Variants in TOX observed in about 807,000 individuals in gnomAD.
TOX encodes thymocyte selection associated high mobility group box.
In TOX, 11 loss-of-function variants were observed where a neutral mutation model predicts 53.7. The observed-to-expected ratio is 0.20, with a 90% CI of 0.13 to 0.34. The LOEUF (loss-of-function observed/expected upper bound fraction) is 0.34, where lower values mean the gene tolerates loss of function less well. Ranked by LOEUF, TOX falls within the 10% of genes least tolerant of loss-of-function variation. The pLI is 1.00. For synonymous variants in TOX, 225 were observed against 245.3 expected (o/e 0.92, Z 0.77); for missense variants, 570 against 664.6 (o/e 0.86, Z 1.56).
At chr8:58,920,570 G>A (rs1173967471) in intron 3 of TOX, among the ~76,000 whole-genome samples, 1 of 68,164 alleles carries the variant, frequency 1.5e-5, no homozygotes, top group Non-Finnish European at 2.9e-5. Flanking sequence ...GGTCGGGGGA[G>A]GGGGGAGGGA....
chr8:58,873,209 T>A (rs770689985), intron 3 of TOX, among the ~76,000 whole-genome samples: 1 of 152,106 alleles, frequency 6.6e-6, no homozygotes, highest in Non-Finnish European at 1.5e-5. Context: ...AATGGTTTCT[T>A]TATAAATTAA....
intron 3 of TOX, among the ~76,000 whole-genome samples, chr8:58,883,327 G>A (rs1214573963): frequency 6.6e-6 from 1 of 152,162 alleles, no homozygotes; most frequent in African/African-American, 2.4e-5. Context: ...AAAGGACTTT[G>A]ATTGAACAAC....
In TOX at chr8:59,114,885, G is replaced by A. The variant is rs193037585; in HGVS notation, c.102+4001C>T. On this transcript the variant is annotated intron_variant, in intron 1 of 8. Coordinates refer to ENST00000361421, the MANE Select transcript of TOX (RefSeq NM_014729.3). ...ATAAGCTCAAAGGAGATTTTGCAGA[G>A]ACTGTAATGAATCTCGTTATTCTTA... is the stretch of plus-strand genomic sequence containing the variant. Among the ~76,000 whole-genome samples the A allele has an allele frequency of 4.3e-4, 65 of 152,218 alleles. 1 individual carries two copies. Among genetic ancestry groups the A allele is most frequent in the Non-Finnish European group, 7.6e-4 (52 of 68,006 alleles).
intron 3 of TOX, among the ~76,000 whole-genome samples, chr8:58,936,020 C>T (rs1456358365): frequency 6.6e-6 from 1 of 151,158 alleles, no homozygotes; most frequent in Non-Finnish European, 1.5e-5. Context: ...TTTCCATAAC[C>T]CCAGCCTCTT....
chr8:59,023,402 T>C (rs964695535), intron 1 of TOX, among the ~76,000 whole-genome samples: 1 of 152,188 alleles, frequency 6.6e-6, no homozygotes, highest in Non-Finnish European at 1.5e-5. Context: ...GATTTTACAA[T>C]ACATATTTTA....
chr8:59,063,200 A>C (rs991222249), intron 1 of TOX, among the ~76,000 whole-genome samples: 1 of 152,156 alleles, frequency 6.6e-6, no homozygotes, highest in African/African-American at 2.4e-5. Flanking sequence ...TCAATCAAAC[A>C]TTGCAACTAC....
chr8:59,073,158 T>C (rs1306117048), intron 1 of TOX, among the ~76,000 whole-genome samples: 1 of 152,148 alleles, frequency 6.6e-6, no homozygotes, highest in Non-Finnish European at 1.5e-5. Flanking sequence ...CTGAGTCGAA[T>C]TCCTTAACAA....
chr8:58,887,587 A>G (rs937605755), intron 3 of TOX, among the ~76,000 whole-genome samples: 1 of 151,934 alleles, frequency 6.6e-6, no homozygotes, highest in African/African-American at 2.4e-5. Flanking sequence ...TTCTCTATAT[A>G]ATTGTGTTTA....
chr8:58,999,179 C>T (rs1813642683), intron 1 of TOX, among the ~76,000 whole-genome samples: 6 of 152,014 alleles, frequency 3.9e-5, no homozygotes, highest in Admixed American at 3.9e-4. Context: ...AATATTTGTG[C>T]TTTTGAGATT....
In TOX at chr8:58,851,183, TCTCACACA is replaced by T; in HGVS notation, c.693+333_693+340del. On this transcript the variant is annotated intron_variant, in intron 4 of 8. Transcript: ENST00000361421. This position sits in a 1 kb window ranked among gnomAD's most constrained non-coding sequence, Gnocchi z 4.4. ...GTCTCTCTCTCTCTCTCTCTCTCTCTCTCACACACACACACACACACACACACACGACC... is the reference window on the plus strand; with the variant it reads ...GTCTCTCTCTCTCTCTCTCTCTCTCTCACACACACACACACACACACGACC... Among the ~76,000 whole-genome samples the T allele has an allele frequency of 7.0e-6, 1 of 142,724 alleles. No homozygotes were observed. Among genetic ancestry groups the T allele is most frequent in the African/African-American group, 2.8e-5 (1 of 35,318 alleles). The allele number at this position is 142,724 out of a possible 152,430, so 93.6% of individuals were successfully genotyped here.
intron 1 of TOX, among the ~76,000 whole-genome samples, chr8:59,034,829 G>A (rs1025812585): frequency 2.0e-5 from 3 of 152,226 alleles, no homozygotes; most frequent in Non-Finnish European, 4.4e-5. Context: ...CAAAGGCCTT[G>A]CAAAGAAGCT....
chr8:58,950,275 CTATT>C (rs1328119644), intron 2 of TOX, among the ~76,000 whole-genome samples: 1 of 152,044 alleles, frequency 6.6e-6, no homozygotes, highest in African/African-American at 2.4e-5. Flanking sequence ...CTGTACGTGT[CTATT>C]TATGGCCAAT....
At chr8:59,107,139 T>A (rs1804927968) in intron 1 of TOX, among the ~76,000 whole-genome samples, 1 of 151,352 alleles carries the variant, frequency 6.6e-6, no homozygotes, top group South Asian at 2.1e-4. Flanking sequence ...CTAAACTCAC[T>A]TGAAAAGTGA....
At chr8:58,898,751 T>C (rs1001850404) in intron 3 of TOX, among the ~76,000 whole-genome samples, 7 of 152,158 alleles carry the variant, frequency 4.6e-5, no homozygotes, top group Non-Finnish European at 8.8e-5. Flanking sequence ...TAGGGGTGAA[T>C]CCCACGAGGA....
intron 1 of TOX, among the ~76,000 whole-genome samples, chr8:59,104,951 T>C (rs1438892495): frequency 1.3e-5 from 2 of 152,196 alleles, no homozygotes; most frequent in African/African-American, 4.8e-5. Context: ...TTATTAGCCA[T>C]ATGGAGGGAG....
rs1810017862 is a variant in TOX, at chr8:58,808,126, G to A, written c.1536C>T (p.Cys512=). The A allele has an allele frequency of 1.2e-6, 2 of 1,612,858 alleles. No homozygotes were observed. Among genetic ancestry groups the A allele is most frequent in the African/African-American group, 1.3e-5 (1 of 74,880 alleles). ...GATGACCGGCCGCTTACCCACTACT[G>A]CAGTAGTCGTTATTCCAGTCCACCG... is the stretch of plus-strand genomic sequence containing the variant. ...PQPVDWNNDY[C]SSGGMQRDKA... Residue 512 remains cysteine, a synonymous_variant, in exon 8 of 9, where the codon TGC becomes TGT. Transcript: ENST00000361421.
At chr8:59,067,605 T>C (rs1457798083) in intron 1 of TOX, among the ~76,000 whole-genome samples, 1 of 151,898 alleles carries the variant, frequency 6.6e-6, no homozygotes, top group East Asian at 1.9e-4. Context: ...ATAACAAACA[T>C]AGCACATTAT....
chr8:59,069,273 G>A (rs937870111), intron 1 of TOX, among the ~76,000 whole-genome samples: 29 of 152,272 alleles, frequency 1.9e-4, no homozygotes, highest in Middle Eastern at 3.4e-3. Context: ...AGTTGATAAC[G>A]AGGGAGCAAT....
intron 4 of TOX, among the ~76,000 whole-genome samples, chr8:58,844,882 C>A (rs1810698464): frequency 6.6e-6 from 1 of 152,090 alleles, no homozygotes; most frequent in African/African-American, 2.4e-5. Context: ...ACTCGTAAGA[C>A]ATAGATTTAT....
Sources: allele counts gnomAD v4.1 joint callset (sites outside exome capture counted in the v4.1 genomes callset), GRCh38; gene constraint gnomAD v4.1.1; non-coding constraint Gnocchi (gnomAD v3.1); transcripts MANE v1.5; gene names NCBI Gene and HGNC (gene_info 2026-07-23, HGNC 2026-07-21).